The following FAM110B variants were observed in gnomAD, a reference collection of about 807,000 sequenced individuals.
The protein encoded by FAM110B is protein FAM110B.
FAM110B carries 6 observed loss-of-function variants against 20.4 expected under a neutral mutation model. The observed-to-expected ratio is 0.29, with a 90% CI of 0.16 to 0.58. The LOEUF is 0.58. FAM110B is among the 20% of genes least tolerant of loss of function. The probability of loss-of-function intolerance (pLI) is 0.90; values close to 1 mark genes in which losing one functional copy is unlikely to be tolerated. For synonymous variants in FAM110B, 226 were observed against 214.1 expected (o/e 1.06, Z -0.49); for missense variants, 434 against 498.2 (o/e 0.87, Z 1.23).
chr8:58,060,523 T>C (rs2150584987), intron 2 of FAM110B, among the ~76,000 whole-genome samples: 1 of 152,282 alleles, frequency 6.6e-6, no homozygotes, highest in East Asian at 1.9e-4. Context: ...GACTGACCAA[T>C]ACTTTAAGTA....
At chr8:58,055,372 C>T (rs1163172902) in intron 2 of FAM110B, among the ~76,000 whole-genome samples, 1 of 152,190 alleles carries the variant, frequency 6.6e-6, no homozygotes, top group Non-Finnish European at 1.5e-5. Flanking sequence ...AATAGGTCTA[C>T]TCTTCTCATA....
chr8:58,058,938 C>T (rs1192822118), intron 2 of FAM110B, among the ~76,000 whole-genome samples: 1 of 152,130 alleles, frequency 6.6e-6, no homozygotes, highest in South Asian at 2.1e-4. Flanking sequence ...CCAGCAAATT[C>T]TCTCTTGCCA....
intron 2 of FAM110B, among the ~76,000 whole-genome samples, chr8:58,053,871 T>G (rs946344719): frequency 2.6e-5 from 4 of 152,198 alleles, no homozygotes; most frequent in Non-Finnish European, 5.9e-5. Flanking sequence ...CTTAGACAAA[T>G]TAAATTTAAC....
rs371192216 is a variant in FAM110B, at chr8:58,146,213, G to T, written c.-18G>T. On this transcript the variant is annotated 5_prime_UTR_variant, in exon 4 of 4. Coordinates refer to ENST00000519262, the MANE Select transcript of FAM110B (RefSeq NM_001377989.1). ...CAGAAGAGCATCCAACACGGCTGCC[G>T]GGGAAAGACCGCCCACCATGCCCAC... The T allele has an allele frequency of 3.8e-6, 6 of 1,575,088 alleles. No homozygotes were observed. The African/African-American group carries it at 8.1e-5, about 21-fold the overall frequency.
intron 1 of FAM110B, among the ~76,000 whole-genome samples, chr8:58,009,208 G>A (rs1804476903): frequency 6.6e-6 from 1 of 152,238 alleles, no homozygotes; most frequent in African/African-American, 2.4e-5. Flanking sequence ...TTTGAGAGTA[G>A]TTTGTATCTG....
intron 1 of FAM110B, among the ~76,000 whole-genome samples, chr8:57,996,609 G>T (rs1053788817): frequency 6.6e-6 from 1 of 152,164 alleles, no homozygotes; most frequent in Non-Finnish European, 1.5e-5. Context: ...TTCATAAGGA[G>T]ACCTGGTTGT....
intron 1 of FAM110B, among the ~76,000 whole-genome samples, chr8:58,005,393 TATA>T (rs1804380484): frequency 6.6e-6 from 1 of 152,190 alleles, no homozygotes; most frequent in African/African-American, 2.4e-5. Flanking sequence ...CCTTAACAGG[TATA>T]ATAACGAAAA....
chr8:58,096,948 G>A lies in FAM110B; in HGVS notation c.-325+21325G>A, dbSNP rs184399566. ...ATGGGCTTCCCTTTGTGGGTAACCC[G>A]ACCTTTCTCTCTGGCTGCCCTTATC... On this transcript the variant is annotated intron_variant, in intron 3 of 3. Transcript: ENST00000519262. 3.8e-3 allele frequency among the ~76,000 whole-genome samples: 583 copies of A among 152,264 alleles called. 1 individual carries two copies. Among genetic ancestry groups the A allele is most frequent in the African/African-American group, 0.013 (549 of 41,530 alleles).
intron 3 of FAM110B, among the ~76,000 whole-genome samples, chr8:58,096,555 T>C (rs1487370359): frequency 6.6e-6 from 1 of 152,216 alleles, no homozygotes; most frequent in Non-Finnish European, 1.5e-5. Flanking sequence ...AAGGTTAATA[T>C]TGTTATGCGT....
chr8:58,079,456 A>C (rs1806132155), intron 3 of FAM110B, among the ~76,000 whole-genome samples: 1 of 152,214 alleles, frequency 6.6e-6, no homozygotes, highest in Non-Finnish European at 1.5e-5. Context: ...TGTGAAGTTC[A>C]AAAAATTATT....
intron 3 of FAM110B, among the ~76,000 whole-genome samples, chr8:58,137,696 G>C (rs1462052592): frequency 4.6e-5 from 7 of 152,174 alleles, no homozygotes; most frequent in Admixed American, 4.6e-4. Context: ...TTCCATAAAT[G>C]AGGAAACTCA....
chr8:58,100,580 C>T (rs948711045), intron 3 of FAM110B, among the ~76,000 whole-genome samples: 8 of 152,196 alleles, frequency 5.3e-5, no homozygotes, highest in Admixed American at 3.9e-4. Context: ...GGTTTGCTGG[C>T]CATCTTCGGT....
At chr8:58,014,819 A>T (rs559986996) in intron 1 of FAM110B, among the ~76,000 whole-genome samples, 197 of 150,374 alleles carry the variant, frequency 1.3e-3, no homozygotes, top group Admixed American at 1.8e-3. Flanking sequence ...TATTATCTTT[A>T]TTTTTAATTT....
intron 3 of FAM110B, among the ~76,000 whole-genome samples, chr8:58,098,755 C>G (rs1806698445): frequency 7.4e-6 from 1 of 135,136 alleles, no homozygotes; most frequent in African/African-American, 2.7e-5. Context: ...TGCATAGCCC[C>G]TCACAGCTTC....
At chr8:58,030,786 G>A (rs1389296975) in intron 1 of FAM110B, among the ~76,000 whole-genome samples, 1 of 152,180 alleles carries the variant, frequency 6.6e-6, no homozygotes, top group Non-Finnish European at 1.5e-5. Flanking sequence ...TGCTGGAGGA[G>A]AAGACGGTTA....
At chr8:58,011,404 G>A (rs910820602) in intron 1 of FAM110B, among the ~76,000 whole-genome samples, 6 of 152,080 alleles carry the variant, frequency 3.9e-5, no homozygotes, top group Non-Finnish European at 5.9e-5. Context: ...GACATTAAAC[G>A]GTTTCAGCAT....
Position 58,145,891 on chromosome 8 carries a change from T to G in FAM110B, c.-324-16T>G. 1 of 200,976 alleles carries G rather than the reference T, an allele frequency of 5.0e-6. No individual in the cohort carries two copies. The highest frequency in any genetic ancestry group is 1.0e-5 in the Non-Finnish European group (1 of 99,764). The allele number at this position is 200,976 out of a possible 1,614,324, so 12.4% of individuals were successfully genotyped here. On this transcript the variant is annotated splice_polypyrimidine_tract_variant and intron_variant, in intron 3 of 3. Coordinates refer to ENST00000519262, the MANE Select transcript of FAM110B (RefSeq NM_001377989.1). ...CCCGCCCCTCCTAACCCGCGGTTGG[T>G]TGTTTTGTGTTTCAGCTCTGCCTGC...
intron 3 of FAM110B, among the ~76,000 whole-genome samples, chr8:58,085,658 C>G (rs1292294568): frequency 6.6e-6 from 1 of 152,158 alleles, no homozygotes; most frequent in African/African-American, 2.4e-5. Flanking sequence ...GCTGGAATAC[C>G]TCTGGCACAT....
intron 3 of FAM110B, among the ~76,000 whole-genome samples, chr8:58,109,427 C>T (rs1285198610): frequency 1.3e-5 from 2 of 152,124 alleles, no homozygotes; most frequent in African/African-American, 4.8e-5. Flanking sequence ...GACCCCAGGG[C>T]TTACTTTTTG....
Sources: gnomAD v4.1 joint callset for allele counts (sites outside exome capture counted in the v4.1 genomes callset) on GRCh38, gnomAD v4.1.1 for gene constraint, MANE v1.5 for transcripts, NCBI Gene and HGNC (gene_info 2026-07-23, HGNC 2026-07-21) for gene names.